PTPRT: variants seen among roughly 807,000 people sequenced by gnomAD.
PTPRT encodes the protein protein tyrosine phosphatase receptor type T.
In PTPRT, 56 loss-of-function variants were observed where a neutral mutation model predicts 176.8. That is an observed-to-expected ratio of 0.32 (90% CI 0.26 to 0.40). The LOEUF (loss-of-function observed/expected upper bound fraction) is 0.40. Among genes scored for constraint, PTPRT ranks in the 10% least tolerant of loss-of-function variants. PTPRT has a pLI of 1.00. For synonymous variants in PTPRT, 783 were observed against 739.0 expected, an observed-to-expected ratio of 1.06 and a Z score of -0.96; for missense variants, 1,540 against 1,908.2, an observed-to-expected ratio of 0.81 and a Z score of 3.60.
At chr20:42,857,359 T>G (rs1183876746) in intron 2 of PTPRT, among the ~76,000 whole-genome samples, 3 of 152,238 alleles carry the variant, frequency 2.0e-5, no homozygotes, top group Non-Finnish European at 4.4e-5. Context: ...GTCCTAGCTC[T>G]GCTCCTTAGA....
chr20:42,875,993 C>T (rs1038715685), intron 2 of PTPRT, among the ~76,000 whole-genome samples: 5 of 152,108 alleles, frequency 3.3e-5, no homozygotes, highest in Admixed American at 2.6e-4. Context: ...ATAGGTAGTA[C>T]GTCTCTATTA....
intron 7 of PTPRT, among the ~76,000 whole-genome samples, chr20:42,526,638 T>G (rs531635246): frequency 1.3e-5 from 2 of 152,300 alleles, no homozygotes; most frequent in African/African-American, 4.8e-5. Flanking sequence ...TTAACTTGTC[T>G]TTTTCCTATG....
intron 1 of PTPRT, among the ~76,000 whole-genome samples, chr20:42,913,207 G>A (rs1268255589): frequency 6.6e-6 from 1 of 152,166 alleles, no homozygotes; most frequent in Non-Finnish European, 1.5e-5. Flanking sequence ...ATAACAAAGT[G>A]CCACAGACTG....
intron 14 of PTPRT, among the ~76,000 whole-genome samples, chr20:42,238,749 T>C (rs2056294139): frequency 1.3e-5 from 2 of 152,304 alleles, no homozygotes; most frequent in Admixed American, 1.3e-4. Context: ...TCCTGATCCA[T>C]GCACCAAGGT....
chr20:43,182,133 T>C (rs770003308), intron 1 of PTPRT, among the ~76,000 whole-genome samples: 2 of 152,200 alleles, frequency 1.3e-5, no homozygotes, highest in African/African-American at 2.4e-5. Flanking sequence ...AAGGGATGAC[T>C]ACATAACCAC....
intron 7 of PTPRT, among the ~76,000 whole-genome samples, chr20:42,532,729 T>C (rs943320190): frequency 1.3e-5 from 2 of 151,538 alleles, no homozygotes; most frequent in Non-Finnish European, 2.9e-5. Flanking sequence ...CACAACCATA[T>C]CCTTAGACCT....
intron 15 of PTPRT, among the ~76,000 whole-genome samples, chr20:42,201,426 G>A (rs911363225): frequency 1.3e-5 from 2 of 152,164 alleles, no homozygotes; most frequent in South Asian, 4.1e-4. Context: ...TGAATCTCAT[G>A]CTCTAGGTGT....
intron 29 of PTPRT, 107 bp from the exon 30 acceptor site, chr20:42,082,124 C>G (rs561914120): frequency 1.5e-4 from 222 of 1,478,444 alleles, no homozygotes; most frequent in Middle Eastern, 4.8e-4. Context: ...TGGGCAGATG[C>G]AAGGCAAGGC....
At chr20:42,906,021 C>T (rs902560014) in intron 1 of PTPRT, among the ~76,000 whole-genome samples, 5 of 151,974 alleles carry the variant, frequency 3.3e-5, no homozygotes, top group African/African-American at 9.7e-5. Context: ...ACCTATGTAT[C>T]GAACCTGCAC....
At chr20:42,032,600 C>T in the PTPRT span, among the ~76,000 whole-genome samples, 1 of 152,170 alleles carries the variant, frequency 6.6e-6, no homozygotes, top group East Asian at 1.9e-4. Context: ...ATCCCAGCCT[C>T]CTAGTAGGTA....
chr20:42,470,951 A>G (rs963706158), intron 8 of PTPRT, among the ~76,000 whole-genome samples: 1 of 152,012 alleles, frequency 6.6e-6, no homozygotes. Flanking sequence ...GGAGGGAGAC[A>G]TGGAGGCTCC....
intron 13 of PTPRT, among the ~76,000 whole-genome samples, chr20:42,278,697 C>G (rs980150230): frequency 3.3e-5 from 5 of 152,160 alleles, no homozygotes; most frequent in African/African-American, 1.2e-4. Context: ...TGCTCTGTCT[C>G]AGCCAGAGGA....
At chr20:42,129,479 A>G (rs1988023901) in intron 18 of PTPRT, among the ~76,000 whole-genome samples, 1 of 152,248 alleles carries the variant, frequency 6.6e-6, no homozygotes, top group Non-Finnish European at 1.5e-5. Flanking sequence ...ACTAACACCA[A>G]ATAAAAACCA....
At chr20:42,938,829 A>T (rs1327462384) in intron 1 of PTPRT, among the ~76,000 whole-genome samples, 1 of 152,216 alleles carries the variant, frequency 6.6e-6, no homozygotes, top group Non-Finnish European at 1.5e-5. Context: ...ACAAATTTTC[A>T]TTCTTCCTAT....
At chr20:42,777,574 T>A (rs2077156036) in intron 4 of PTPRT, among the ~76,000 whole-genome samples, 1 of 152,230 alleles carries the variant, frequency 6.6e-6, no homozygotes, top group Non-Finnish European at 1.5e-5. Context: ...ACTGATTTAG[T>A]GCCTTTCTTT....
At chr20:42,694,519 T>C (rs749580175) in intron 6 of PTPRT, among the ~76,000 whole-genome samples, 1 of 152,194 alleles carries the variant, frequency 6.6e-6, no homozygotes, top group Non-Finnish European at 1.5e-5. Flanking sequence ...CAGTTATGTA[T>C]AGGTTTTTGT....
At chr20:42,280,446 A>T (rs1568735175) in intron 13 of PTPRT, among the ~76,000 whole-genome samples, 1 of 152,002 alleles carries the variant, frequency 6.6e-6, no homozygotes, top group African/African-American at 2.4e-5. Context: ...TAAGTGTTGG[A>T]TCTCACCAAA....
intron 7 of PTPRT, among the ~76,000 whole-genome samples, chr20:42,567,313 A>G (rs1246908476): frequency 1.3e-5 from 2 of 152,010 alleles, no homozygotes. Context: ...GAGAGAGAAA[A>G]AAAACGATTT....
At chr20:42,382,391 C>T (rs974973240) in intron 9 of PTPRT, among the ~76,000 whole-genome samples, 1 of 152,148 alleles carries the variant, frequency 6.6e-6, no homozygotes, top group Non-Finnish European at 1.5e-5. Flanking sequence ...TGTTTCTGAT[C>T]CCAGGAGAAA....
Sources: allele counts gnomAD v4.1 joint callset (sites outside exome capture counted in the v4.1 genomes callset), GRCh38; gene constraint gnomAD v4.1.1; transcripts MANE v1.5; gene names NCBI Gene and HGNC (gene_info 2026-07-23, HGNC 2026-07-21).